The following MSH3 variants were observed in gnomAD, a reference collection of about 807,000 sequenced individuals.
The protein encoded by MSH3 is mutS homolog 3.
A neutral mutation model predicts 123.3 loss-of-function variants in MSH3; 106 were observed. The observed-to-expected ratio is 0.86, with a 90% confidence interval of 0.73 to 1.01. The LOEUF (loss-of-function observed/expected upper bound fraction) is 1.01. MSH3 is among the 50% of genes least tolerant of loss of function. The pLI is 0.00. For missense variants in MSH3, 1,459 were observed against 1,347.6 expected (o/e 1.08, Z -1.29); for synonymous variants, 515 against 481.4 (o/e 1.07, Z -0.91).
chr5:80,659,851 C>T (rs1360177712), intron 2 of MSH3, among the ~76,000 whole-genome samples: 1 of 152,162 alleles, frequency 6.6e-6, no homozygotes, highest in Non-Finnish European at 1.5e-5. Flanking sequence ...ATTTTGGCTA[C>T]TCTATAATGC....
intron 16 of MSH3, 116 bp from the exon 17 acceptor site, chr5:80,778,594 TCTGTTTACAG>T: frequency 2.8e-6 from 2 of 717,936 alleles, no homozygotes; most frequent in Non-Finnish European, 5.1e-6. Flanking sequence ...AGAATGTTCT[TCTGTTTACAG>T]CTGTTTACTT....
In MSH3 at chr5:80,857,947, G is replaced by A. The variant is rs188696111; in HGVS notation, c.3000+3631G>A. On this transcript the variant is annotated intron_variant, in intron 21 of 23. Transcript: ENST00000265081. The stretch of plus-strand genomic sequence containing the variant: ...GCTTATTTTTGCTCTTCTCTTTCTG[G>A]TGTCCTAAGATAGAAGCTTAGATTG... 6.6e-5 allele frequency among the ~76,000 whole-genome samples: 10 copies of A among 151,944 alleles called. 1 individual carries two copies. Among genetic ancestry groups the A allele is most frequent in the African/African-American group, 2.2e-4 (9 of 41,502 alleles).
chr5:80,662,911 GCA>G (rs1012732169), intron 2 of MSH3, among the ~76,000 whole-genome samples: 5 of 152,096 alleles, frequency 3.3e-5, no homozygotes, highest in Admixed American at 2.6e-4. Flanking sequence ...TATGTTTGAA[GCA>G]CAAAGAGAAA....
intron 8 of MSH3, among the ~76,000 whole-genome samples, chr5:80,714,917 C>T (rs954761715): frequency 1.3e-4 from 20 of 152,200 alleles, no homozygotes; most frequent in African/African-American, 4.3e-4. Context: ...CTCTCTCTCT[C>T]TAGTGGATTA....
intron 13 of MSH3, among the ~76,000 whole-genome samples, chr5:80,764,164 A>G (rs1744086111): frequency 6.6e-6 from 1 of 152,244 alleles, no homozygotes. Flanking sequence ...TACTGTGTAC[A>G]CCACATAGTG....
intron 12 of MSH3, among the ~76,000 whole-genome samples, chr5:80,748,820 G>A (rs904780452): frequency 4.0e-5 from 6 of 151,872 alleles, no homozygotes; most frequent in East Asian, 3.9e-4. Context: ...AAAGAAAACC[G>A]TGAGATGAGT....
chr5:80,746,915 A>G (rs996457994), intron 12 of MSH3: 1 of 161,084 alleles, frequency 6.2e-6, no homozygotes, highest in African/African-American at 2.4e-5. Context: ...CACTCAAGAC[A>G]TGGTTTGGAT....
At chr5:80,751,110 T>C (rs954314090) in intron 12 of MSH3, among the ~76,000 whole-genome samples, 1 of 151,862 alleles carries the variant, frequency 6.6e-6, no homozygotes, top group African/African-American at 2.4e-5. Flanking sequence ...GAAAAAACTT[T>C]GCATAGATTT....
chr5:80,744,625 A>G lies in MSH3; in HGVS notation c.1763+10A>G, dbSNP rs1164651963. 6.3e-7 allele frequency: 1 copy of G among 1,579,350 alleles called. No individual in the cohort carries two copies. Among genetic ancestry groups the G allele is most frequent in the South Asian group, 1.1e-5 (1 of 89,870 alleles). ...CACTCCTTAAATTAAGGTAAAAGGA[A>G]TTCTTTTTGGGGTGTTTAATCTGAA... On this transcript the variant is annotated intron_variant, in intron 12 of 23. Coordinates refer to ENST00000265081, the MANE Select transcript of MSH3 (RefSeq NM_002439.5).
At chr5:80,846,703 G>A (rs942405454) in intron 20 of MSH3, among the ~76,000 whole-genome samples, 6 of 152,238 alleles carry the variant, frequency 3.9e-5, no homozygotes, top group African/African-American at 1.4e-4. Flanking sequence ...GGCTCCGTGG[G>A]CGTGAGACCT....
intron 13 of MSH3, 53 bp from the exon 14 acceptor site, chr5:80,767,880 A>G: frequency 7.2e-7 from 1 of 1,392,050 alleles, no homozygotes; most frequent in Non-Finnish European, 1.0e-6. Flanking sequence ...CACTAATTAA[A>G]CTTCATTTTC....
intron 20 of MSH3, among the ~76,000 whole-genome samples, chr5:80,836,314 A>C (rs954238227): frequency 1.8e-4 from 27 of 152,158 alleles, no homozygotes; most frequent in African/African-American, 6.0e-4. Flanking sequence ...CTTGTATTGA[A>C]CATCTTATGT....
chr5:80,781,202 G>T (rs1425206304), intron 17 of MSH3, among the ~76,000 whole-genome samples: 3 of 151,680 alleles, frequency 2.0e-5, no homozygotes, highest in African/African-American at 7.3e-5. Flanking sequence ...TGTTTCAGTT[G>T]TCCTGGCTTT....
In MSH3 at chr5:80,786,773, A is replaced by G. The variant is rs1033592286; in HGVS notation, c.2436-792A>G. Among the ~76,000 whole-genome samples, 49 of 152,204 alleles carry G rather than the reference A, an allele frequency of 3.2e-4. 1 individual carries two copies. The highest frequency in any genetic ancestry group is 1.0e-4 in the Non-Finnish European group (7 of 68,026). On this transcript the variant is annotated intron_variant, in intron 17 of 23. Transcript: ENST00000265081. ...ACTACACACATTGACATAAAATACT[A>G]TGATATGAGATAATGGGATAATTTA...
Position 80,716,026 on chromosome 5 carries a change from G to A in MSH3, c.1341-9427G>A, listed in dbSNP as rs538948135. Among the ~76,000 whole-genome samples, 4 of 152,336 alleles carry A rather than the reference G, an allele frequency of 2.6e-5. No homozygotes were observed. In the South Asian group the frequency reaches 8.3e-4, roughly 32 times the overall value. ...TTCATCTTTAGTGCTCTCTCTGGCA[G>A]CAGTGTGGTACAAGGGCTTGAGGGG... is the stretch of plus-strand genomic sequence containing the variant. On this transcript the variant is annotated intron_variant, in intron 8 of 23. Coordinates refer to ENST00000265081, the MANE Select transcript of MSH3 (RefSeq NM_002439.5).
chr5:80,809,053 A>T (rs1317407491), intron 19 of MSH3, among the ~76,000 whole-genome samples: 1 of 151,518 alleles, frequency 6.6e-6, no homozygotes, highest in Non-Finnish European at 1.5e-5. Context: ...ATTAGTTTAT[A>T]GGGCATTGGG....
At chr5:80,759,651 T>G (rs960434472) in intron 12 of MSH3, among the ~76,000 whole-genome samples, 36 of 152,212 alleles carry the variant, frequency 2.4e-4, no homozygotes, top group African/African-American at 8.4e-4. Context: ...AGCAGAGGTG[T>G]GACATGAACA....
At chr5:80,859,390 C>T (rs1402682277) in intron 21 of MSH3, among the ~76,000 whole-genome samples, 10 of 152,028 alleles carry the variant, frequency 6.6e-5, no homozygotes, top group South Asian at 2.1e-4. Flanking sequence ...CCTCCCAAAG[C>T]GCTGGGATTG....
Position 80,868,627 on chromosome 5 carries a change from G to A in MSH3, c.3130+3685G>A, listed in dbSNP as rs144203418. On this transcript the variant is annotated intron_variant, in intron 22 of 23. Coordinates refer to ENST00000265081, the MANE Select transcript of MSH3 (RefSeq NM_002439.5). ...ACTGGGGCCTACTAGATGGGGGAGG[G>A]TGGGAGGAGGGAGAGGATCAGGAAG... Among the ~76,000 whole-genome samples, 3 of 141,644 alleles carry A rather than the reference G, an allele frequency of 2.1e-5. No individual in the cohort carries two copies. The East Asian group carries it at 6.3e-4, about 30-fold the overall frequency. 92.9% of individuals were successfully genotyped at this position (141,644 alleles called of 152,430 possible).
Sources: allele counts gnomAD v4.1 joint callset (sites outside exome capture counted in the v4.1 genomes callset), GRCh38; gene constraint gnomAD v4.1.1; transcripts MANE v1.5; gene names NCBI Gene and HGNC (gene_info 2026-07-23, HGNC 2026-07-21).